The following GATA4 variants were observed in gnomAD, a reference collection of about 807,000 sequenced individuals.
GATA4 encodes GATA binding protein 4, also known as transcription factor GATA-4.
GATA4 carries 7 observed loss-of-function variants against 37.9 expected under a neutral mutation model. That is an observed-to-expected ratio of 0.18 (90% CI 0.11 to 0.35). GATA4 has a LOEUF of 0.35. Among genes scored for constraint, GATA4 ranks in the 10% least tolerant of loss-of-function variants. GATA4 has a pLI of 1.00. For missense variants in GATA4, 647 were observed against 653.0 expected (o/e 0.99, Z 0.10); for synonymous variants, 372 against 292.6 (o/e 1.27, Z -2.77).
intron 2 of GATA4, among the ~76,000 whole-genome samples, chr8:11,721,121 G>C (rs942186308): frequency 3.3e-5 from 5 of 151,726 alleles, no homozygotes; most frequent in African/African-American, 7.3e-5. Context: ...GCACTCTTAG[G>C]GGCAGGGGAT....
At chr8:11,715,965 G>A (rs900760159) in intron 2 of GATA4, among the ~76,000 whole-genome samples, 1 of 152,150 alleles carries the variant, frequency 6.6e-6, no homozygotes, top group African/African-American at 2.4e-5. Flanking sequence ...GAATCGTACA[G>A]TGTTTGTCGT....
chr8:11,684,533 G>A (rs964806959), intron 1 of GATA4, among the ~76,000 whole-genome samples: 2 of 152,092 alleles, frequency 1.3e-5, no homozygotes, highest in African/African-American at 4.8e-5. Context: ...AATGTACATC[G>A]TCCCTAGGTC....
upstream of GATA4, among the ~76,000 whole-genome samples, chr8:11,702,988 C>A (rs900160562): frequency 6.6e-6 from 1 of 152,222 alleles, no homozygotes; most frequent in Non-Finnish European, 1.5e-5. This position sits in a 1 kb window ranked among gnomAD's most constrained non-coding sequence, Gnocchi z 4.4. Context: ...GTCCTGGCCT[C>A]GTCCTTAACC....
chr8:11,748,918 G>A lies in GATA4; in HGVS notation c.619G>A (p.Asp207Asn). Reference sequence around the variant, plus strand: ...CTTGTCTGTTCCCCCCAACTCAGTAGATATGTTTGACGACTTCTCAGAAGG... The same window carrying A: ...CTTGTCTGTTCCCCCCAACTCAGTAAATATGTTTGACGACTTCTCAGAAGG... ...NPAARHPNLV[D>N]MFDDFSEGRE... The change falls in exon 3 of 7, where the codon GAT becomes AAT. Residue 207 changes from aspartate to asparagine, a missense_variant and splice_region_variant. Coordinates refer to ENST00000532059, the MANE Select transcript of GATA4 (RefSeq NM_001308093.3). 6.2e-7 allele frequency: 1 copy of A among 1,614,230 alleles called. No homozygotes were observed. Among genetic ancestry groups the A allele is most frequent in the South Asian group, 1.1e-5 (1 of 91,088 alleles).
At chr8:11,740,189 G>T (rs1437884865) in intron 2 of GATA4, among the ~76,000 whole-genome samples, 4 of 152,140 alleles carry the variant, frequency 2.6e-5, no homozygotes, top group African/African-American at 9.7e-5. Context: ...GGCATGCTGC[G>T]TGTGGCTTTT....
At chr8:11,741,289 G>A (rs968023534) in intron 2 of GATA4, among the ~76,000 whole-genome samples, 1 of 152,082 alleles carries the variant, frequency 6.6e-6, no homozygotes, top group Non-Finnish European at 1.5e-5. Context: ...ATCAGCCTGG[G>A]CAACATAGTG....
intron 2 of GATA4, among the ~76,000 whole-genome samples, chr8:11,737,869 G>T (rs1303829472): frequency 6.6e-6 from 1 of 152,152 alleles, no homozygotes; most frequent in African/African-American, 2.4e-5. Flanking sequence ...ACATATTTAT[G>T]TATTTTATTT....
chr8:11,681,871 A>C (rs759779394), intron 1 of GATA4, among the ~76,000 whole-genome samples: 2 of 151,956 alleles, frequency 1.3e-5, no homozygotes, highest in African/African-American at 2.4e-5. Context: ...TCCCTGGCAT[A>C]CTCTGCGCCT....
upstream of GATA4, chr8:11,676,940 G>C (rs1435494904): frequency 6.6e-6 from 1 of 152,184 alleles, no homozygotes; most frequent in African/African-American, 2.4e-5. Flanking sequence ...AGCTCAGAGG[G>C]AGCTGGGAGA....
rs2130310725 is a variant in GATA4 at position 11,749,734 on chromosome 8, T to C, written c.787-377T>C. Among the ~76,000 whole-genome samples, 1 of 152,304 alleles carries C rather than the reference T, an allele frequency of 6.6e-6. No homozygotes were observed. Reference sequence around the variant, plus strand: ...AGACTTTGATACCATTTGGACACCGTGATTCCTCACTCTCTGCCTGCCCCC... The same window carrying C: ...AGACTTTGATACCATTTGGACACCGCGATTCCTCACTCTCTGCCTGCCCCC... On this transcript the variant is annotated intron_variant, in intron 3 of 6. Coordinates refer to ENST00000532059, the MANE Select transcript of GATA4 (RefSeq NM_001308093.3). The surrounding 1 kb of genome is among the most constrained non-coding windows in gnomAD (Gnocchi z 4.6).
chr8:11,704,991 C>T (rs1799828589), intron 1 of GATA4, among the ~76,000 whole-genome samples: 1 of 152,248 alleles, frequency 6.6e-6, no homozygotes, highest in South Asian at 2.1e-4. Context: ...TGACTTCCCT[C>T]CGCCGGCCAC....
intron 2 of GATA4, among the ~76,000 whole-genome samples, chr8:11,725,433 C>T (rs1177190255): frequency 6.6e-6 from 1 of 152,280 alleles, no homozygotes; most frequent in African/African-American, 2.4e-5. Context: ...CCCCCACCTT[C>T]AGAAGCCTCC....
chr8:11,735,080 A>C (rs1801391833), intron 2 of GATA4, among the ~76,000 whole-genome samples: 1 of 152,272 alleles, frequency 6.6e-6, no homozygotes, highest in South Asian at 2.1e-4. Context: ...ATTGTGGGTT[A>C]CACAGAGGCA....
At chr8:11,737,829 T>C (rs1045927753) in intron 2 of GATA4, among the ~76,000 whole-genome samples, 23 of 152,218 alleles carry the variant, frequency 1.5e-4, no homozygotes, top group African/African-American at 5.5e-4. Flanking sequence ...AAAATGTTAC[T>C]GCATGAAAGA....
rs935343257 is a variant in GATA4 at position 11,694,465 on chromosome 8, A to T, written c.-729+1805A>T. On this transcript the variant is annotated intron_variant, in intron 1 of 2. Transcript: ENST00000526974. ...TCCCCCAGAACATTGCGCTGCCACC[A>T]GCTCTCCGAGCCGTGGACTGCATCC... The T allele has an allele frequency of 2.4e-5, 24 of 985,064 alleles. No homozygotes were observed. The African/African-American group carries it at 4.2e-4, about 17-fold the overall frequency. The allele number at this position is 985,064 out of a possible 1,614,324, so 61.0% of individuals were successfully genotyped here.
intron 4 of GATA4, among the ~76,000 whole-genome samples, chr8:11,751,222 T>C (rs1802286475): frequency 6.6e-6 from 1 of 152,216 alleles, no homozygotes; most frequent in South Asian, 2.1e-4. Flanking sequence ...TACAAGGAGC[T>C]TCTACAAAGC....
At chr8:11,747,333 A>G (rs567166282) in intron 2 of GATA4, among the ~76,000 whole-genome samples, 8 of 152,328 alleles carry the variant, frequency 5.3e-5, no homozygotes, top group African/African-American at 1.4e-4. Context: ...CACAGGTGGA[A>G]TCTGTCAATT....
At chr8:11,680,312 C>A (rs961147450) in intron 1 of GATA4, among the ~76,000 whole-genome samples, 4 of 152,248 alleles carry the variant, frequency 2.6e-5, no homozygotes, top group African/African-American at 9.6e-5. Context: ...CTCGGAAGAT[C>A]CCCGCGGACA....
chr8:11,684,464 G>A (rs1799076679), intron 1 of GATA4, among the ~76,000 whole-genome samples: 1 of 152,162 alleles, frequency 6.6e-6, no homozygotes, highest in Non-Finnish European at 1.5e-5. Context: ...GCCAATTTCT[G>A]AACCATAAAC....
Sources: gnomAD v4.1 joint callset for allele counts (sites outside exome capture counted in the v4.1 genomes callset) on GRCh38, gnomAD v4.1.1 for gene constraint, Gnocchi (gnomAD v3.1) non-coding constraint, MANE v1.5 for transcripts, NCBI Gene and HGNC (gene_info 2026-07-23, HGNC 2026-07-21) for gene names.